Variants in CACNA2D3 observed in about 807,000 individuals in gnomAD.
CACNA2D3 encodes voltage-dependent calcium channel subunit alpha-2/delta-3.
CACNA2D3 carries 60 observed loss-of-function variants against 160.6 expected under a neutral mutation model. The ratio of observed to expected loss-of-function variants is 0.37; its 90% confidence interval spans 0.30 to 0.46. The LOEUF is 0.46. Ranked by LOEUF, CACNA2D3 falls within the 20% of genes least tolerant of loss-of-function variation. The pLI is 1.00. For missense variants in CACNA2D3, 1,205 were observed against 1,365.0 expected, an observed-to-expected ratio of 0.88 and a Z score of 1.85; for synonymous variants, 558 against 492.9, an observed-to-expected ratio of 1.13 and a Z score of -1.75.
intron 4 of CACNA2D3, among the ~76,000 whole-genome samples, chr3:54,393,216 G>A (rs1269712989): frequency 4.6e-5 from 7 of 152,144 alleles, no homozygotes; most frequent in African/African-American, 7.2e-5. Context: ...AGCACCCATC[G>A]TCGACGTGGA....
At chr3:54,213,931 G>A (rs2107366677) in intron 2 of CACNA2D3, among the ~76,000 whole-genome samples, 1 of 152,334 alleles carries the variant, frequency 6.6e-6, no homozygotes, top group East Asian at 1.9e-4. Context: ...ACCGGGAGGA[G>A]AGAGGCCCAG....
At chr3:54,479,121 T>C (rs1700890781) in intron 4 of CACNA2D3, among the ~76,000 whole-genome samples, 1 of 151,928 alleles carries the variant, frequency 6.6e-6, no homozygotes, top group Non-Finnish European at 1.5e-5. Flanking sequence ...CTCTTGATAG[T>C]GAGTTTTCAT....
intron 5 of CACNA2D3, among the ~76,000 whole-genome samples, chr3:54,546,643 CT>C (rs1445734195): frequency 6.6e-6 from 1 of 151,980 alleles, no homozygotes; most frequent in Non-Finnish European, 1.5e-5. Context: ...TTGCTATAAT[CT>C]TTTTTGGTTA....
At chr3:54,817,505 G>A (rs559948205) in intron 14 of CACNA2D3, among the ~76,000 whole-genome samples, 13 of 152,290 alleles carry the variant, frequency 8.5e-5, no homozygotes, top group African/African-American at 2.4e-4. Context: ...ATAGCATGTC[G>A]TTGTATCCTA....
intron 27 of CACNA2D3, among the ~76,000 whole-genome samples, chr3:54,933,924 A>G (rs1271899387): frequency 6.6e-6 from 1 of 151,838 alleles, no homozygotes; most frequent in Non-Finnish European, 1.5e-5. Flanking sequence ...ACACACCACC[A>G]TGCCCAGCTA....
chr3:54,433,209 AG>A (rs1700014381), intron 4 of CACNA2D3, among the ~76,000 whole-genome samples: 5 of 152,094 alleles, frequency 3.3e-5, no homozygotes, highest in Admixed American at 2.6e-4. Flanking sequence ...CTATGACTGG[AG>A]GGGGATTTAT....
At chr3:55,027,976 G>T (rs539422044) in intron 35 of CACNA2D3, among the ~76,000 whole-genome samples, 1 of 152,184 alleles carries the variant, frequency 6.6e-6, no homozygotes, top group South Asian at 2.1e-4. Context: ...GAAGAGATCC[G>T]CTGACCCTGG....
At chr3:54,697,819 A>G (rs562579307) in intron 11 of CACNA2D3, among the ~76,000 whole-genome samples, 2 of 152,326 alleles carry the variant, frequency 1.3e-5, no homozygotes, top group African/African-American at 4.8e-5. Flanking sequence ...GGAAGGAGGA[A>G]GAATCTTGGC....
At chr3:54,138,202 A>G (rs1699854419) in intron 2 of CACNA2D3, among the ~76,000 whole-genome samples, 2 of 152,020 alleles carry the variant, frequency 1.3e-5, no homozygotes, top group African/African-American at 4.8e-5. Context: ...TGAAGCCTGG[A>G]CTCTCAACTG....
At chr3:54,961,164 T>C (rs1702022223) in intron 27 of CACNA2D3, among the ~76,000 whole-genome samples, 1 of 152,226 alleles carries the variant, frequency 6.6e-6, no homozygotes, top group Admixed American at 6.5e-5. Flanking sequence ...ATGCCAGGCC[T>C]TGTTACTATC....
At chr3:54,786,460 C>A (rs533384877) in intron 13 of CACNA2D3, among the ~76,000 whole-genome samples, 1 of 152,300 alleles carries the variant, frequency 6.6e-6, no homozygotes, top group African/African-American at 2.4e-5. Flanking sequence ...CCCCTCCCTG[C>A]ACTGGCTCCA....
intron 12 of CACNA2D3, among the ~76,000 whole-genome samples, chr3:54,763,020 G>A (rs995222572): frequency 3.3e-5 from 5 of 150,396 alleles, no homozygotes; most frequent in Non-Finnish European, 5.9e-5. Flanking sequence ...CCCGGGAGGC[G>A]GAGCTTGCAG....
chr3:54,305,420 C>T (rs2107494152), intron 2 of CACNA2D3, among the ~76,000 whole-genome samples: 1 of 152,306 alleles, frequency 6.6e-6, no homozygotes, highest in South Asian at 2.1e-4. Flanking sequence ...GGCAGAACAG[C>T]CAGAGAAACT....
At chr3:54,767,910 C>A (rs1370188044) in intron 13 of CACNA2D3, among the ~76,000 whole-genome samples, 1 of 152,080 alleles carries the variant, frequency 6.6e-6, no homozygotes, top group Non-Finnish European at 1.5e-5. Flanking sequence ...TAATAAATAA[C>A]TAAACAAATC....
At chr3:54,290,147 G>C (rs1056562284) in intron 2 of CACNA2D3, among the ~76,000 whole-genome samples, 24 of 151,948 alleles carry the variant, frequency 1.6e-4, no homozygotes, top group Non-Finnish European at 2.5e-4. Flanking sequence ...GAAAATTTTC[G>C]CAACCTACTT....
At chr3:54,218,715 A>T (rs1167699554) in intron 2 of CACNA2D3, among the ~76,000 whole-genome samples, 1 of 152,288 alleles carries the variant, frequency 6.6e-6, no homozygotes, top group African/African-American at 2.4e-5. Flanking sequence ...TTGATTTTAT[A>T]CAAGGACTAA....
chr3:55,033,830 A>ATATATATTATATATTAAATATATTTT (rs1703748088), intron 35 of CACNA2D3, among the ~76,000 whole-genome samples: 1 of 47,906 alleles, frequency 2.1e-5, no homozygotes, highest in African/African-American at 8.5e-5. Flanking sequence ...AATATATTTA[A>ATATATATTATATATTAAATATATTTT]TATATAATAT....
chr3:55,042,430 CCTTTGT>C (rs1703977408), intron 35 of CACNA2D3, among the ~76,000 whole-genome samples: 1 of 152,078 alleles, frequency 6.6e-6, no homozygotes, highest in Non-Finnish European at 1.5e-5. Context: ...CTGGTGACAT[CCTTTGT>C]CTTTGTCTGA....
intron 11 of CACNA2D3, among the ~76,000 whole-genome samples, chr3:54,752,115 T>C (rs995328101): frequency 6.6e-6 from 1 of 152,210 alleles, no homozygotes; most frequent in African/African-American, 2.4e-5. Flanking sequence ...AATTATCTTC[T>C]AATATCATGC....
Sources: allele counts gnomAD v4.1 joint callset (sites outside exome capture counted in the v4.1 genomes callset), GRCh38; gene constraint gnomAD v4.1.1; transcripts MANE v1.5; gene names NCBI Gene and HGNC (gene_info 2026-07-23, HGNC 2026-07-21).